Variants in AP5S1 observed in about 807,000 individuals in gnomAD.
The protein encoded by AP5S1 is AP-5 complex subunit sigma-1.
AP5S1 carries 13 observed loss-of-function variants against 13.9 expected under a neutral mutation model. The observed-to-expected ratio is 0.94, with a 90% CI of 0.61 to 1.49. AP5S1 has a LOEUF of 1.49. Among genes scored for constraint, AP5S1 ranks in the 40% most tolerant of loss-of-function variants. The probability of loss-of-function intolerance (pLI) is 0.00; values close to 1 mark genes in which losing one functional copy is unlikely to be tolerated. For synonymous variants in AP5S1, 132 were observed against 121.8 expected (o/e 1.08, Z -0.55); for missense variants, 292 against 272.3 (o/e 1.07, Z -0.51).
At chr20:3,822,011 T>A in intron 1 of AP5S1, 91 bp from the exon 2 acceptor site, 1 of 1,485,938 alleles carries the variant, frequency 6.7e-7, no homozygotes, top group Non-Finnish European at 9.0e-7. Context: ...CTGGATACAC[T>A]CCCAGACACT....
chr20:3,821,144 G>T (rs745428408), intron 1 of AP5S1, among the ~76,000 whole-genome samples: 2 of 152,046 alleles, frequency 1.3e-5, no homozygotes. Flanking sequence ...TTTTCTCTCT[G>T]CCTTTTTTCT....
At position 3,822,223 on chromosome 20, in the gene AP5S1, G is replaced by A. The variant is rs200880512; in HGVS notation, c.106G>A (p.Asp36Asn). 141 of 1,614,070 alleles carry A rather than the reference G, an allele frequency of 8.7e-5. No homozygotes were observed. The highest frequency in any genetic ancestry group is 1.1e-4 in the Non-Finnish European group (129 of 1,180,032). Residue 36 changes from aspartate to asparagine, a missense_variant, in exon 2 of 3, where the codon GAT becomes AAT. Asp to Asn is a conservative substitution (Grantham distance 23). Coordinates refer to ENST00000615891, the MANE Select transcript of AP5S1 (RefSeq NM_018347.3). ...CGTCTTCGGTGCTGAGAAGTCACCT[G>A]ATGACCCACGGCCGCATGGTGCCGA... ...SCVFGAEKSP[D>N]DPRPHGAERD...
In AP5S1 at chr20:3,822,329, C is replaced by T. The variant is rs959178205; in HGVS notation, c.176+36C>T. Reference sequence around the variant, plus strand: ...AGCCCAGCCCCAGGCCTTCATTGAACACGTACCTGATTGTAATAGGTATTT... The same window carrying T: ...AGCCCAGCCCCAGGCCTTCATTGAATACGTACCTGATTGTAATAGGTATTT... On this transcript the variant is annotated intron_variant, in intron 2 of 2. Coordinates refer to ENST00000615891, the MANE Select transcript of AP5S1 (RefSeq NM_018347.3). 5 of 1,594,758 alleles carry T rather than the reference C, an allele frequency of 3.1e-6. No homozygotes were observed. The African/African-American group carries it at 5.4e-5, about 17-fold the overall frequency.
rs189013777 is a variant in AP5S1, at chr20:3,825,307, C to T, written c.*1010C>T. On this transcript the variant is annotated 3_prime_UTR_variant, in exon 3 of 3. Transcript: ENST00000615891. ...AGCACTGGCTGTGTGATTTTACCCTCTTTCTGTGAGTTTGATGCGTGCATC... is the reference window on the plus strand; with the variant it reads ...AGCACTGGCTGTGTGATTTTACCCTTTTTCTGTGAGTTTGATGCGTGCATC... The T allele has an allele frequency of 3.0e-4, 46 of 152,402 alleles. No individual in the cohort carries two copies. Among genetic ancestry groups the T allele is most frequent in the African/African-American group, 1.1e-3 (46 of 41,590 alleles). The allele number at this position is 152,402 out of a possible 1,614,324, so 9.4% of individuals were successfully genotyped here. A position where few individuals can be genotyped will look rare whatever the true frequency, so the allele number is the denominator to read the frequency against.
At chr20:3,821,360 T>G (rs1012219297) in intron 1 of AP5S1, among the ~76,000 whole-genome samples, 9 of 152,112 alleles carry the variant, frequency 5.9e-5, no homozygotes, top group Non-Finnish European at 1.5e-5. Context: ...TTTATGGAAA[T>G]TATCCTTTTG....
rs1301959699 is a variant in AP5S1 at position 3,824,399 on chromosome 20, A to G, written c.*102A>G. 2.5e-6 allele frequency: 3 copies of G among 1,199,804 alleles called. No individual in the cohort carries two copies. The highest frequency in any genetic ancestry group is 4.7e-5 in the Admixed American group (2 of 42,816). The allele number at this position is 1,199,804 out of a possible 1,614,324, so 74.3% of individuals were successfully genotyped here. Reference sequence around the variant, plus strand: ...TACCCAGCAGCTCTGATGTGCTGCTATACCAGGACAAGTGGGTGACACAAG... The same window carrying G: ...TACCCAGCAGCTCTGATGTGCTGCTGTACCAGGACAAGTGGGTGACACAAG... On this transcript the variant is annotated 3_prime_UTR_variant, in exon 3 of 3. Transcript: ENST00000615891.
Position 3,823,816 on chromosome 20 carries a change from A to C in AP5S1, c.177-55A>C. 1.9e-6 allele frequency: 3 copies of C among 1,556,184 alleles called. No homozygotes were observed. The South Asian group carries it at 3.6e-5, about 18-fold the overall frequency. On this transcript the variant is annotated intron_variant, in intron 2 of 2. Coordinates refer to ENST00000615891, the MANE Select transcript of AP5S1 (RefSeq NM_018347.3). ...GCTCCCAGCACCAGGGTTGATCATG[A>C]GGATGACAGAGTTGGTGTGTGAGCC...
chr20:3,822,451 G>A (rs930181707), intron 2 of AP5S1, among the ~76,000 whole-genome samples, 158 bp downstream of exon 2: 8 of 152,092 alleles, frequency 5.3e-5, no homozygotes, highest in African/African-American at 1.9e-4. Context: ...CTTTTCATAA[G>A]TGTTACGTGA....
At chr20:3,823,154 C>T (rs2089596415) in intron 2 of AP5S1, among the ~76,000 whole-genome samples, 1 of 152,192 alleles carries the variant, frequency 6.6e-6, no homozygotes, top group African/African-American at 2.4e-5. Context: ...CCTTGTTGGT[C>T]CAATGGAAGG....
At position 3,823,982 on chromosome 20, in the gene AP5S1, G is replaced by A; in HGVS notation, c.288G>A (p.Gly96=). 2 of 1,612,286 alleles carry A rather than the reference G, an allele frequency of 1.2e-6. No individual in the cohort carries two copies. Among genetic ancestry groups the A allele is most frequent in the East Asian group, 2.2e-5 (1 of 44,888 alleles). The part of the protein sequence containing the change: ...EQVPLHEAPR[G]AFRLAAENPF... ...TGCCGCTGCACGAGGCCCCACGTGG[G>A]GCTTTCCGCCTGGCAGCAGAGAACC... Residue 96 remains glycine (G), a synonymous_variant, in exon 3 of 3, where the codon GGG becomes GGA. Transcript: ENST00000615891.
intron 1 of AP5S1, chr20:3,821,878 C>CTTTTTTTTT (rs760765518): frequency 1.5e-6 from 1 of 679,976 alleles, no homozygotes. Context: ...TTTCTTTTTT[C>CTTTTTTTTT]TTTTTTTTTT....
At position 3,826,205 on chromosome 20, in the gene AP5S1, C is replaced by T. The variant is rs1227097885; in HGVS notation, c.*1908C>T. 2 of 152,352 alleles carry T rather than the reference C, an allele frequency of 1.3e-5. No individual in the cohort carries two copies. The highest frequency in any genetic ancestry group is 1.9e-4 in the East Asian group (1 of 5,200). The allele number at this position is 152,352 out of a possible 1,614,324, so 9.4% of individuals were successfully genotyped here. A position where few individuals can be genotyped will look rare whatever the true frequency, so the allele number is the denominator to read the frequency against. On this transcript the variant is annotated 3_prime_UTR_variant, in exon 3 of 3. Transcript: ENST00000615891. The stretch of plus-strand genomic sequence containing the variant: ...AAGGCCACCAGCCATGCCAGGCCTT[C>T]TACCACCACTGTCAACATAATTGGG...
At chr20:3,823,823 C>A in intron 2 of AP5S1, 48 bp from the exon 3 acceptor site, 1 of 1,562,798 alleles carries the variant, frequency 6.4e-7, no homozygotes, top group Non-Finnish European at 8.6e-7. Flanking sequence ...ATGAGGATGA[C>A]AGAGTTGGTG....
chr20:3,822,836 C>T (rs941318319), intron 2 of AP5S1, among the ~76,000 whole-genome samples: 3 of 152,122 alleles, frequency 2.0e-5, no homozygotes, highest in African/African-American at 7.2e-5. Flanking sequence ...ATGAGGACTC[C>T]AGAAAGCCAG....
At chr20:3,823,443 G>C in intron 2 of AP5S1, 3 of 656,400 alleles carry the variant, frequency 4.6e-6, no homozygotes, top group South Asian at 1.4e-4. Flanking sequence ...AGTAGAGACG[G>C]GGTTTCACTA....
intron 2 of AP5S1, 148 bp downstream of exon 2, chr20:3,822,441 C>A: frequency 1.5e-6 from 1 of 682,628 alleles, no homozygotes; most frequent in Non-Finnish European, 2.4e-6. Flanking sequence ...TCTTCCACAG[C>A]TTTTCATAAG....
chr20:3,821,627 A>G (rs114937350), intron 1 of AP5S1, among the ~76,000 whole-genome samples: 1,710 of 151,942 alleles, frequency 0.011, 39 homozygotes, highest in African/African-American at 0.04. Flanking sequence ...TAGACCTCCC[A>G]AGGTGCTGGG....
At chr20:3,822,560 T>C (rs2089592196) in intron 2 of AP5S1, among the ~76,000 whole-genome samples, 1 of 152,230 alleles carries the variant, frequency 6.6e-6, no homozygotes, top group Admixed American at 6.5e-5. Flanking sequence ...ACATCTTATA[T>C]ATATTAACTC....
At position 3,822,301 on chromosome 20, in the gene AP5S1, C is replaced by T. The variant is rs776246811; in HGVS notation, c.176+8C>T. 1.9e-6 allele frequency: 3 copies of T among 1,613,618 alleles called. No homozygotes were observed. Among genetic ancestry groups the T allele is most frequent in the Non-Finnish European group, 1.7e-6 (2 of 1,179,700 alleles). On this transcript the variant is annotated splice_region_variant and intron_variant, in intron 2 of 2. Transcript: ENST00000615891. ...GATTTTAGCTGTGGCCAGGTAACCA[C>T]ACAGCCCAGCCCCAGGCCTTCATTG...
Sources: allele counts gnomAD v4.1 joint callset (sites outside exome capture counted in the v4.1 genomes callset), GRCh38; gene constraint gnomAD v4.1.1; transcripts MANE v1.5; gene names NCBI Gene and HGNC (gene_info 2026-07-23, HGNC 2026-07-21).